The following MAP4K3 variants were observed in gnomAD, a reference collection of about 807,000 sequenced individuals.
MAP4K3 encodes MAPK/ERK kinase kinase kinase 3.
MAP4K3 carries 94 observed loss-of-function variants against 143.5 expected under a neutral mutation model. That is an observed-to-expected ratio of 0.65 (90% CI 0.55 to 0.78). The LOEUF is 0.78. MAP4K3 is among the 30% of genes least tolerant of loss of function. MAP4K3 has a pLI of 0.00. For synonymous variants in MAP4K3, 416 were observed against 347.2 expected, an observed-to-expected ratio of 1.20 and a Z score of -2.20; for missense variants, 1,077 against 1,068.1, an observed-to-expected ratio of 1.01 and a Z score of -0.12.
intron 1 of MAP4K3, among the ~76,000 whole-genome samples, chr2:39,432,640 C>G (rs1665325561): frequency 6.6e-6 from 1 of 152,192 alleles, no homozygotes; most frequent in African/African-American, 2.4e-5. Flanking sequence ...CAGAAAGGTT[C>G]TCACAAATGC....
chr2:39,258,442 T>C lies in MAP4K3; in HGVS notation c.2378-2A>G. ...GGAGATTTACTATTTTTATACAACC[T>C]AGAGGAAAAAAAGTCACTCAGAAAC... On this transcript the variant is annotated splice_acceptor_variant, in intron 30 of 33. Transcript: ENST00000263881. LOFTEE classifies it high-confidence loss of function. 6.2e-7 allele frequency: 1 copy of C among 1,607,074 alleles called. No homozygotes were observed. The highest frequency in any genetic ancestry group is 8.5e-7 in the Non-Finnish European group (1 of 1,174,660).
intron 7 of MAP4K3, among the ~76,000 whole-genome samples, chr2:39,332,213 C>T (rs1470105900): frequency 1.3e-5 from 2 of 151,956 alleles, no homozygotes; most frequent in East Asian, 3.9e-4. Flanking sequence ...CATATATCCC[C>T]ACATAAATCA....
intron 33 of MAP4K3, among the ~76,000 whole-genome samples, chr2:39,251,156 G>A (rs1680144217): frequency 6.6e-6 from 1 of 152,158 alleles, no homozygotes; most frequent in African/African-American, 2.4e-5. Flanking sequence ...GTGGCCGTGT[G>A]CCCTGACTAG....
At position 39,260,392 on chromosome 2, in the gene MAP4K3, T is replaced by C. The variant is rs2178760; in HGVS notation, c.2308+214A>G. Among the ~76,000 whole-genome samples, 135,044 of 152,146 alleles carry C rather than the reference T, an allele frequency of 0.89. 60,066 individuals are homozygous for C. Among genetic ancestry groups the C allele is most frequent in the Non-Finnish European group, 0.91 (62,092 of 68,016 alleles). On this transcript the variant is annotated intron_variant, in intron 29 of 33. Transcript: ENST00000263881. ...TGGCCTCCCAAAGTACTGGGATTACTGGCGTGACCCACCATGCCCTGCCAG... is the reference window on the plus strand; with the variant it reads ...TGGCCTCCCAAAGTACTGGGATTACCGGCGTGACCCACCATGCCCTGCCAG...
intron 13 of MAP4K3, among the ~76,000 whole-genome samples, chr2:39,314,662 A>C (rs1051537948): frequency 6.6e-6 from 1 of 152,316 alleles, no homozygotes; most frequent in Admixed American, 6.5e-5. Flanking sequence ...TGTTCGAGGG[A>C]TTCTTGTTGG....
chr2:39,303,343 A>G (rs1346083448), intron 15 of MAP4K3, among the ~76,000 whole-genome samples: 1 of 152,216 alleles, frequency 6.6e-6, no homozygotes, highest in Non-Finnish European at 1.5e-5. Flanking sequence ...AAGTAGAGTC[A>G]GAATATTAAC....
intron 1 of MAP4K3, among the ~76,000 whole-genome samples, chr2:39,425,187 A>G (rs770304947): frequency 1.2e-4 from 19 of 152,144 alleles, no homozygotes; most frequent in Non-Finnish European, 2.5e-4. Context: ...GATGAATTCA[A>G]AATTAACATA....
At chr2:39,351,493 G>C (rs549978779) in intron 3 of MAP4K3, among the ~76,000 whole-genome samples, 270 of 143,820 alleles carry the variant, frequency 1.9e-3, no homozygotes, top group African/African-American at 6.6e-3. Flanking sequence ...TAGATTATAA[G>C]CTCCTTAAAG....
intron 3 of MAP4K3, among the ~76,000 whole-genome samples, chr2:39,352,363 T>A (rs887629697): frequency 6.6e-6 from 1 of 152,192 alleles, no homozygotes; most frequent in Non-Finnish European, 1.5e-5. Context: ...GAGAGGAATG[T>A]CTCCATTTTC....
rs1427397852 is a variant in MAP4K3, at chr2:39,406,765, A to G, written c.97-28642T>C. ...ATCAGAAAAAAAAAGGATGCTAATC[A>G]GCAACAAGAAATCATCTGAAGGTAT... On this transcript the variant is annotated intron_variant, in intron 1 of 33. Transcript: ENST00000263881. Among the ~76,000 whole-genome samples, 5 of 152,348 alleles carry G rather than the reference A, an allele frequency of 3.3e-5. No individual in the cohort carries two copies. In the South Asian group the frequency reaches 1.0e-3, roughly 32 times the overall value.
intron 16 of MAP4K3, among the ~76,000 whole-genome samples, chr2:39,296,669 C>T (rs1682295543): frequency 6.6e-6 from 1 of 152,218 alleles, no homozygotes. Flanking sequence ...TCTGTAAGTA[C>T]TGCTCTGATT....
At chr2:39,280,137 T>C in intron 23 of MAP4K3, 135 bp downstream of exon 23, 1 of 519,880 alleles carries the variant, frequency 1.9e-6, no homozygotes, top group Non-Finnish European at 3.4e-6. Context: ...ATATTTACCT[T>C]AAAATAAAAA....
intron 1 of MAP4K3, among the ~76,000 whole-genome samples, chr2:39,427,283 G>C (rs1191868335): frequency 1.3e-5 from 2 of 151,904 alleles, no homozygotes; most frequent in East Asian, 3.8e-4. Context: ...GAGGAAGACT[G>C]AGTTTACCTT....
At chr2:39,407,883 G>C (rs1186987516) in intron 1 of MAP4K3, among the ~76,000 whole-genome samples, 1 of 151,936 alleles carries the variant, frequency 6.6e-6, no homozygotes, top group Non-Finnish European at 1.5e-5. Context: ...GCACTGAACA[G>C]GTTTTTTAAT....
chr2:39,337,312 TA>T (rs1419498657), intron 5 of MAP4K3, among the ~76,000 whole-genome samples: 1 of 152,172 alleles, frequency 6.6e-6, no homozygotes, highest in Non-Finnish European at 1.5e-5. Context: ...GCATAGTGCT[TA>T]AATTTTAGGT....
At chr2:39,378,327 G>C (rs1229544463) in intron 1 of MAP4K3, among the ~76,000 whole-genome samples, 1 of 152,050 alleles carries the variant, frequency 6.6e-6, no homozygotes, top group African/African-American at 2.4e-5. Context: ...AAAACTAATA[G>C]CTAATATACA....
At chr2:39,282,363 T>G in intron 22 of MAP4K3, 150 bp downstream of exon 22, 2 of 674,758 alleles carry the variant, frequency 3.0e-6, no homozygotes, top group Admixed American at 2.9e-5. Context: ...CGGGGCATGG[T>G]GACACATGCC....
Position 39,343,445 on chromosome 2 carries a change from T to C in MAP4K3, c.253A>G (p.Lys85Glu), listed in dbSNP as rs757618348. 1 of 1,612,642 alleles carries C rather than the reference T, an allele frequency of 6.2e-7. No homozygotes were observed. Among genetic ancestry groups the C allele is most frequent in the African/African-American group, 1.3e-5 (1 of 74,894 alleles). ...CAAAACTCCATGCAAATCCAAAGCT[T>C]ATCTCGCCTATAAAGAGAAAAGAAG... ...AYFGSYLRRD[K>E]LWICMEFCGG... Residue 85 changes from lysine (K) to glutamate (E), a missense_variant, in exon 4 of 34, where the codon AAG becomes GAG. Transcript: ENST00000263881.
At chr2:39,410,920 T>A (rs180907799) in intron 1 of MAP4K3, among the ~76,000 whole-genome samples, 7 of 152,306 alleles carry the variant, frequency 4.6e-5, no homozygotes, top group Admixed American at 2.6e-4. Flanking sequence ...AAGAAACATA[T>A]CTTCACCATA....
Sources: gnomAD v4.1 joint callset for allele counts (sites outside exome capture counted in the v4.1 genomes callset) on GRCh38, gnomAD v4.1.1 for gene constraint, MANE v1.5 for transcripts, NCBI Gene and HGNC (gene_info 2026-07-23, HGNC 2026-07-21) for gene names.